Variants in ITGA2 observed in about 807,000 individuals in gnomAD.
ITGA2 encodes integrin alpha-2.
In ITGA2, 101 loss-of-function variants were observed where a neutral mutation model predicts 146.3. The observed-to-expected ratio is 0.69, with a 90% CI of 0.59 to 0.81. The LOEUF (loss-of-function observed/expected upper bound fraction) is 0.81. Among genes scored for constraint, ITGA2 ranks in the 40% least tolerant of loss-of-function variants. ITGA2 has a pLI of 0.00. For synonymous variants in ITGA2, 477 were observed against 487.1 expected, an observed-to-expected ratio of 0.98 and a Z score of 0.27; for missense variants, 1,281 against 1,402.7, an observed-to-expected ratio of 0.91 and a Z score of 1.39.
intron 2 of ITGA2, among the ~76,000 whole-genome samples, chr5:53,028,520 G>A (rs1743060713): frequency 6.6e-6 from 1 of 152,212 alleles, no homozygotes; most frequent in Non-Finnish European, 1.5e-5. Context: ...TGGTGAGGAG[G>A]CTAGAAAGAC....
intron 1 of ITGA2, chr5:52,990,304 C>G (rs1186066508): frequency 6.6e-6 from 1 of 152,624 alleles, no homozygotes; most frequent in Non-Finnish European, 1.5e-5. Context: ...AGCAGCCGCT[C>G]TAACTGTAGT....
chr5:53,067,932 A>G (rs1433994477), intron 16 of ITGA2, among the ~76,000 whole-genome samples: 3 of 151,784 alleles, frequency 2.0e-5, no homozygotes, highest in Non-Finnish European at 4.4e-5. Flanking sequence ...TAAGCACACT[A>G]TCTCACCTTC....
In ITGA2 at chr5:53,074,247, C is replaced by T. The variant is rs3212693; in HGVS notation, c.2572-138C>T. On this transcript the variant is annotated intron_variant, in intron 20 of 29. Transcript: ENST00000296585. ...ACCTGGGCAGTATAAAATTTCAAGT[C>T]TTGAGGTATAATAAATTATTTCAGT... 9.2e-3 allele frequency: 6,665 copies of T among 722,216 alleles called. 54 individuals carry two copies. The highest frequency in any genetic ancestry group is 0.013 in the Non-Finnish European group (5,206 of 396,396). The allele number at this position is 722,216 out of a possible 1,614,324, so 44.7% of individuals were successfully genotyped here.
Position 53,092,654 on chromosome 5 carries a change from A to C in ITGA2, c.*2055A>C, listed in dbSNP as rs1282530479. The C allele has an allele frequency of 6.6e-6, 1 of 151,676 alleles. No homozygotes were observed. The highest frequency in any genetic ancestry group is 1.9e-4 in the East Asian group (1 of 5,188). 9.4% of individuals were successfully genotyped at this position (151,676 alleles called of 1,614,324 possible). On this transcript the variant is annotated 3_prime_UTR_variant, in exon 30 of 30. Coordinates refer to ENST00000296585, the MANE Select transcript of ITGA2 (RefSeq NM_002203.4). ...AAAAAAAAAAAAGACTGGAGAAACT[A>C]GTCATTAGCTTGATAAAGAATATTT...
intron 1 of ITGA2, among the ~76,000 whole-genome samples, chr5:53,000,510 G>T (rs1233262354): frequency 6.6e-6 from 1 of 152,060 alleles, no homozygotes; most frequent in African/African-American, 2.4e-5. Context: ...TCTCTCTACT[G>T]TATTGTCCCT....
At chr5:53,024,388 G>A (rs539438088) in intron 1 of ITGA2, among the ~76,000 whole-genome samples, 1 of 152,060 alleles carries the variant, frequency 6.6e-6, no homozygotes, top group African/African-American at 2.4e-5. Flanking sequence ...TTTTTCCCTT[G>A]AGTTTTCTCT....
At chr5:53,061,640 T>C (rs1178096028) in intron 12 of ITGA2, among the ~76,000 whole-genome samples, 3 of 151,936 alleles carry the variant, frequency 2.0e-5, no homozygotes, top group Non-Finnish European at 4.4e-5. Flanking sequence ...ATCCCAGATA[T>C]GGCCCACTAC....
chr5:53,078,844 T>C lies in ITGA2; in HGVS notation c.2898T>C (p.Asp966=). 1 of 1,610,548 alleles carries C rather than the reference T, an allele frequency of 6.2e-7. No homozygotes were observed. The highest frequency in any genetic ancestry group is 2.2e-5 in the East Asian group (1 of 44,776). ...CTTCAATCGTGCACAGTTTTGAAGA[T>C]GTTGGTCCAAAATTCATCTTCTCCC... ...NVPSIVHSFE[D]VGPKFIFSLK... Residue 966 remains aspartate, a synonymous_variant, in exon 24 of 30, where the codon GAT becomes GAC. Coordinates refer to ENST00000296585, the MANE Select transcript of ITGA2 (RefSeq NM_002203.4).
At chr5:53,034,891 G>C (rs1012601761) in intron 2 of ITGA2, among the ~76,000 whole-genome samples, 5 of 152,096 alleles carry the variant, frequency 3.3e-5, no homozygotes, top group South Asian at 2.1e-4. Context: ...AACTTAATAT[G>C]GTAAAAAGAA....
rs116427797 is a variant in ITGA2 at position 53,025,139 on chromosome 5, C to T, written c.65-1609C>T. Among the ~76,000 whole-genome samples the T allele has an allele frequency of 1.8e-4, 27 of 152,236 alleles. 1 individual carries two copies. Among genetic ancestry groups the T allele is most frequent in the African/African-American group, 4.6e-4 (19 of 41,548 alleles). Reference sequence around the variant, plus strand: ...AAAGCAGTTTGGCATCATCTCTCCACGCTAATATGTTAGATGATTGATAAC... The same window carrying T: ...AAAGCAGTTTGGCATCATCTCTCCATGCTAATATGTTAGATGATTGATAAC... On this transcript the variant is annotated intron_variant, in intron 1 of 29. Coordinates refer to ENST00000296585, the MANE Select transcript of ITGA2 (RefSeq NM_002203.4).
intron 17 of ITGA2, among the ~76,000 whole-genome samples, chr5:53,071,274 C>A (rs1224221138): frequency 6.6e-6 from 1 of 151,878 alleles, no homozygotes; most frequent in East Asian, 1.9e-4. Context: ...AATCTTATTT[C>A]CCTTCTCTCC....
At chr5:53,045,134 T>C (rs752255138) in intron 4 of ITGA2, 42 bp downstream of exon 4, 2 of 1,428,542 alleles carry the variant, frequency 1.4e-6, no homozygotes, top group Non-Finnish European at 2.0e-6. Flanking sequence ...CTCAAGAAAG[T>C]ACATAGACAG....
In ITGA2 at chr5:53,092,076, GA is replaced by G. The variant is rs1740451145; in HGVS notation, c.*1478del. On this transcript the variant is annotated 3_prime_UTR_variant, in exon 30 of 30. Transcript: ENST00000296585. Reference sequence around the variant, plus strand: ...CAAGCACCCCAGTCACTAGGATGCAGATGGACCACACTTTGAGAAACACCAC... The same window carrying G: ...CAAGCACCCCAGTCACTAGGATGCAGTGGACCACACTTTGAGAAACACCAC... 6.6e-6 allele frequency: 1 copy of G among 152,226 alleles called. No homozygotes were observed. Among genetic ancestry groups the G allele is most frequent in the Non-Finnish European group, 1.5e-5 (1 of 68,064 alleles). The allele number at this position is 152,226 out of a possible 1,614,324, so 9.4% of individuals were successfully genotyped here. A position where few individuals can be genotyped will look rare whatever the true frequency, so the allele number is the denominator to read the frequency against.
intron 9 of ITGA2, among the ~76,000 whole-genome samples, chr5:53,057,139 G>C (rs1004667030): frequency 6.6e-6 from 1 of 151,962 alleles, no homozygotes; most frequent in Non-Finnish European, 1.5e-5. Context: ...AATTGTATTT[G>C]TTTGTAGTGG....
chr5:53,008,103 A>T (rs1741946596), intron 1 of ITGA2, among the ~76,000 whole-genome samples: 1 of 151,990 alleles, frequency 6.6e-6, no homozygotes, highest in African/African-American at 2.4e-5. Context: ...TCATAACAAA[A>T]TATCACAGAC....
intron 1 of ITGA2, among the ~76,000 whole-genome samples, chr5:53,023,309 C>G (rs916595669): frequency 3.9e-5 from 6 of 152,196 alleles, no homozygotes; most frequent in African/African-American, 1.4e-4. Flanking sequence ...CTACGTTTAA[C>G]ATGATGTTCC....
chr5:53,029,988 T>C (rs1158397969), intron 2 of ITGA2, among the ~76,000 whole-genome samples: 1 of 152,162 alleles, frequency 6.6e-6, no homozygotes, highest in Non-Finnish European at 1.5e-5. Context: ...GTAACAGCTT[T>C]CCTGGACAGA....
chr5:53,068,422 G>C (rs1745242769), intron 16 of ITGA2, among the ~76,000 whole-genome samples: 2 of 151,794 alleles, frequency 1.3e-5, no homozygotes, highest in African/African-American at 2.4e-5. Flanking sequence ...GGTTAACTTG[G>C]GAAATATATT....
intron 1 of ITGA2, among the ~76,000 whole-genome samples, chr5:53,012,985 C>T (rs929532001): frequency 2.0e-5 from 3 of 151,840 alleles, no homozygotes; most frequent in African/African-American, 7.3e-5. Flanking sequence ...AGTTCCATAC[C>T]GATTCTGGAC....
Sources: gnomAD v4.1 joint callset for allele counts (sites outside exome capture counted in the v4.1 genomes callset) on GRCh38, gnomAD v4.1.1 for gene constraint, MANE v1.5 for transcripts, NCBI Gene and HGNC (gene_info 2026-07-23, HGNC 2026-07-21) for gene names.